The following CDH13 variants were observed in gnomAD, a reference collection of about 807,000 sequenced individuals.
CDH13 encodes the protein cadherin-13.
In CDH13, 24 loss-of-function variants were observed where a neutral mutation model predicts 63.8. That is an observed-to-expected ratio of 0.38 (90% CI 0.27 to 0.53). The LOEUF (loss-of-function observed/expected upper bound fraction) is 0.53, where lower values mean the gene tolerates loss of function less well. CDH13 is among the 20% of genes least tolerant of loss of function. The probability of loss-of-function intolerance (pLI) is 0.85; values close to 1 mark genes in which losing one functional copy is unlikely to be tolerated. For missense variants in CDH13, 1,049 were observed against 903.1 expected (o/e 1.16, Z -2.07); for synonymous variants, 503 against 355.3 (o/e 1.42, Z -4.67).
chr16:83,312,169 A>ACAAT (rs2090015462), intron 5 of CDH13, among the ~76,000 whole-genome samples: 2 of 151,354 alleles, frequency 1.3e-5, no homozygotes, highest in South Asian at 4.2e-4. Context: ...CCTTGATTGC[A>ACAAT]CAATCTCCTT....
intron 1 of CDH13, among the ~76,000 whole-genome samples, chr16:82,763,389 C>A (rs1469258559): frequency 6.6e-6 from 1 of 152,172 alleles, no homozygotes; most frequent in African/African-American, 2.4e-5. Context: ...TCTGTGAATA[C>A]AGGCTCTCTG....
At chr16:83,610,663 A>G (rs143356891) in intron 8 of CDH13, among the ~76,000 whole-genome samples, 367 of 152,334 alleles carry the variant, frequency 2.4e-3, no homozygotes, top group Non-Finnish European at 3.9e-3. Flanking sequence ...GCCGTAATCT[A>G]TTCATGTTCG....
chr16:83,595,997 G>A (rs1014586334), intron 7 of CDH13, among the ~76,000 whole-genome samples: 5 of 152,208 alleles, frequency 3.3e-5, no homozygotes, highest in Non-Finnish European at 2.9e-5. Flanking sequence ...TCCCGGCAGA[G>A]CAGCACCTTT....
chr16:83,718,008 G>A (rs1909175879), intron 10 of CDH13: 2 of 152,222 alleles, frequency 1.3e-5, no homozygotes, highest in African/African-American at 4.8e-5. Context: ...CTGTCTGGTG[G>A]GAATTCTATT....
chr16:83,486,514 T>C lies in CDH13; in HGVS notation c.819T>C (p.Asp273=), dbSNP rs1359919484. ...TVMRMTAFDA[D]DPATDNALLR... ...TGCGGATGACAGCCTTTGATGCAGA[T>C]GACCCAGCCACCGATAATGCCCTCC... is the stretch of plus-strand genomic sequence containing the variant. The change falls in exon 7 of 14, where the codon GAT becomes GAC. Residue 273 remains aspartate (D), a synonymous_variant. Coordinates refer to ENST00000567109, the MANE Select transcript of CDH13 (RefSeq NM_001257.5). 20 of 1,613,854 alleles carry C rather than the reference T, an allele frequency of 1.2e-5. No individual in the cohort carries two copies. The highest frequency in any genetic ancestry group is 1.7e-5 in the Non-Finnish European group (20 of 1,179,818).
chr16:83,446,320 AG>A (rs2072688297), intron 6 of CDH13, among the ~76,000 whole-genome samples: 1 of 151,684 alleles, frequency 6.6e-6, no homozygotes, highest in Non-Finnish European at 1.5e-5. Flanking sequence ...AAAAAAAGAA[AG>A]AAAGAAAAAA....
intron 4 of CDH13, among the ~76,000 whole-genome samples, chr16:83,131,284 T>C (rs2036040805): frequency 6.7e-6 from 1 of 149,054 alleles, no homozygotes; most frequent in Admixed American, 6.8e-5. Context: ...TTCTGGCTCT[T>C]TTCCATGGTG....
At chr16:83,481,110 A>G (rs2073750482) in intron 6 of CDH13, among the ~76,000 whole-genome samples, 1 of 152,236 alleles carries the variant, frequency 6.6e-6, no homozygotes, top group South Asian at 2.1e-4. Context: ...TGTCACATCA[A>G]AGAGGTTCAC....
At chr16:83,476,836 TCCA>T (rs1334942918) in intron 6 of CDH13, among the ~76,000 whole-genome samples, 3 of 152,228 alleles carry the variant, frequency 2.0e-5, no homozygotes, top group African/African-American at 7.2e-5. Context: ...TATTAAAGTT[TCCA>T]CTTAAAATTG....
At chr16:82,949,029 G>T (rs1242651362) in intron 2 of CDH13, among the ~76,000 whole-genome samples, 1 of 152,062 alleles carries the variant, frequency 6.6e-6, no homozygotes, top group Admixed American at 6.6e-5. Context: ...CAAATCTTTG[G>T]CAAATTACCC....
At chr16:83,311,963 C>T (rs1384753185) in intron 5 of CDH13, among the ~76,000 whole-genome samples, 1 of 151,062 alleles carries the variant, frequency 6.6e-6, no homozygotes, top group East Asian at 2.0e-4. Flanking sequence ...AATCCCAGCT[C>T]TCGGGAGGCT....
chr16:83,118,936 C>T (rs2035437447), intron 3 of CDH13, among the ~76,000 whole-genome samples: 1 of 152,200 alleles, frequency 6.6e-6, no homozygotes, highest in African/African-American at 2.4e-5. Context: ...ACCCCTTCTT[C>T]CTCAAGGTCA....
At chr16:82,686,052 C>A (rs1191481689) in intron 1 of CDH13, among the ~76,000 whole-genome samples, 2 of 152,164 alleles carry the variant, frequency 1.3e-5, no homozygotes, top group South Asian at 4.1e-4. Flanking sequence ...TTTCTCCCAA[C>A]TGCAAGTAGA....
intron 6 of CDH13, among the ~76,000 whole-genome samples, chr16:83,476,706 CAAAA>C (rs200890682): frequency 6.6e-6 from 1 of 151,598 alleles, no homozygotes; most frequent in Admixed American, 6.6e-5. Context: ...GTTAAACAAA[CAAAA>C]AAAACCACAC....
chr16:82,743,045 A>T (rs1417525017), intron 1 of CDH13, among the ~76,000 whole-genome samples: 1 of 152,248 alleles, frequency 6.6e-6, no homozygotes. Context: ...AATGTGTACA[A>T]TGTGAACAGA....
At chr16:82,948,529 A>G (rs1009271067) in intron 2 of CDH13, among the ~76,000 whole-genome samples, 21 of 152,314 alleles carry the variant, frequency 1.4e-4, no homozygotes, top group African/African-American at 4.8e-4. Flanking sequence ...TTATTTGGGA[A>G]CAATCAAAAG....
At chr16:83,698,518 G>C (rs546443241) in intron 10 of CDH13, among the ~76,000 whole-genome samples, 22 of 152,332 alleles carry the variant, frequency 1.4e-4, no homozygotes, top group African/African-American at 4.3e-4. Flanking sequence ...TTCTTGGAAA[G>C]TTGATGCGGC....
chr16:83,680,650 G>T (rs1915329788), intron 10 of CDH13, among the ~76,000 whole-genome samples: 1 of 152,170 alleles, frequency 6.6e-6, no homozygotes, highest in South Asian at 2.1e-4. Context: ...ACCTAGAAAT[G>T]ACTTGAGGTG....
intron 6 of CDH13, among the ~76,000 whole-genome samples, chr16:83,402,276 C>A (rs1385180677): frequency 6.6e-6 from 1 of 152,176 alleles, no homozygotes; most frequent in African/African-American, 2.4e-5. Flanking sequence ...TAGTTTGCCA[C>A]CTGTCTCAGT....
Sources: gnomAD v4.1 joint callset for allele counts (sites outside exome capture counted in the v4.1 genomes callset) on GRCh38, gnomAD v4.1.1 for gene constraint, MANE v1.5 for transcripts, NCBI Gene and HGNC (gene_info 2026-07-23, HGNC 2026-07-21) for gene names.